MASP1: variants seen among roughly 807,000 people sequenced by gnomAD.
MASP1 encodes MBL associated serine protease 1.
MASP1 carries 59 observed loss-of-function variants against 77.1 expected under a neutral mutation model. The ratio of observed to expected loss-of-function variants is 0.77; its 90% CI spans 0.62 to 0.95. The LOEUF (loss-of-function observed/expected upper bound fraction) is 0.95. Among genes scored for constraint, MASP1 ranks in the 40% least tolerant of loss-of-function variants. MASP1 has a pLI of 0.00. For missense variants in MASP1, 885 were observed against 912.9 expected, an observed-to-expected ratio of 0.97 and a Z score of 0.39; for synonymous variants, 362 against 354.5, an observed-to-expected ratio of 1.02 and a Z score of -0.24.
intron 8 of MASP1, 108 bp from the exon 9 acceptor site, chr3:187,243,729 C>T: frequency 7.3e-7 from 1 of 1,376,484 alleles, no homozygotes; most frequent in Non-Finnish European, 1.0e-6. Context: ...GCACACAATT[C>T]CAGAAAGCAA....
intron 1 of MASP1, 125 bp from the exon 2 acceptor site, chr3:187,286,181 C>A: frequency 4.0e-6 from 3 of 756,378 alleles, no homozygotes; most frequent in Non-Finnish European, 6.9e-6. Context: ...AATTAGCTTT[C>A]CCCTTCTGAC....
chr3:187,269,884 G>A (rs1205872273), intron 2 of MASP1, among the ~76,000 whole-genome samples: 2 of 152,174 alleles, frequency 1.3e-5, no homozygotes, highest in Middle Eastern at 3.2e-3. Context: ...ACCTTTGTGT[G>A]TCATCTAATT....
intron 10 of MASP1, among the ~76,000 whole-genome samples, chr3:187,238,378 C>T (rs1452186163): frequency 1.3e-5 from 2 of 152,202 alleles, no homozygotes; most frequent in Non-Finnish European, 2.9e-5. Context: ...TTCATATCTC[C>T]ACTGAAATCT....
chr3:187,263,769 C>T lies in MASP1; in HGVS notation c.238-1049G>A, dbSNP rs72550738. Among the ~76,000 whole-genome samples, 828 of 152,160 alleles carry T rather than the reference C, an allele frequency of 5.4e-3. 9 individuals are homozygous for T. Among genetic ancestry groups the T allele is most frequent in the African/African-American group, 0.019 (775 of 41,494 alleles). ...CTTTGGAAGAGCCAGAGGCCCTGTG[C>T]GAATTCAGAGATCCAAGCAGAGATC... On this transcript the variant is annotated intron_variant, in intron 2 of 10. Transcript: ENST00000296280.
intron 2 of MASP1, among the ~76,000 whole-genome samples, chr3:187,285,034 G>A (rs1318779438): frequency 6.6e-6 from 1 of 152,168 alleles, no homozygotes; most frequent in Non-Finnish European, 1.5e-5. Context: ...AGCTTAGAAG[G>A]TAGGTTCTTA....
intron 2 of MASP1, among the ~76,000 whole-genome samples, chr3:187,266,654 C>G (rs137981047): frequency 2.6e-5 from 4 of 152,204 alleles, no homozygotes; most frequent in Admixed American, 1.3e-4. Flanking sequence ...TCAGCTGCTC[C>G]TCCCCACTAC....
intron 2 of MASP1, among the ~76,000 whole-genome samples, chr3:187,284,995 A>T (rs1265503507): frequency 6.6e-6 from 1 of 152,206 alleles, no homozygotes; most frequent in African/African-American, 2.4e-5. Flanking sequence ...GAGTTGTTTG[A>T]TGAGAACCTC....
chr3:187,249,643 T>C (rs1714394763), intron 8 of MASP1, among the ~76,000 whole-genome samples: 1 of 152,190 alleles, frequency 6.6e-6, no homozygotes, highest in Non-Finnish European at 1.5e-5. Context: ...TATTCTAAAA[T>C]ATAAAGCTAG....
At chr3:187,274,916 G>A (rs954813688) in intron 2 of MASP1, among the ~76,000 whole-genome samples, 3 of 150,812 alleles carry the variant, frequency 2.0e-5, no homozygotes, top group African/African-American at 4.9e-5. Context: ...CGGGCATCCC[G>A]CAGGTGGGAA....
intron 2 of MASP1, among the ~76,000 whole-genome samples, chr3:187,265,863 T>C (rs960981451): frequency 2.0e-5 from 3 of 152,216 alleles, no homozygotes; most frequent in African/African-American, 4.8e-5. Flanking sequence ...CTTGGGTGCA[T>C]GGACTGTCTC....
intron 15 of MASP1, chr3:187,221,032 C>T: frequency 6.2e-7 from 1 of 1,613,626 alleles, no homozygotes; most frequent in East Asian, 2.2e-5. Context: ...CCTCTTAACC[C>T]ACCTTCCTTC....
rs1387580356 is a variant in MASP1, at chr3:187,256,560, C to A, written c.744+104G>T. 2.9e-6 allele frequency: 3 copies of A among 1,035,908 alleles called. No homozygotes were observed. The African/African-American group carries it at 4.7e-5, about 16-fold the overall frequency. The allele number at this position is 1,035,908 out of a possible 1,614,324, so 64.2% of individuals were successfully genotyped here. On this transcript the variant is annotated intron_variant, in intron 5 of 10. Transcript: ENST00000296280. ...CCTTTTTGAGGAACTAGCTGCTAGG[C>A]TCTCTATCCTGGGAGAAGAAGGTGA...
At chr3:187,225,940 C>T (rs1579462176) in intron 12 of MASP1, among the ~76,000 whole-genome samples, 2 of 152,202 alleles carry the variant, frequency 1.3e-5, no homozygotes, top group African/African-American at 4.8e-5. Flanking sequence ...GTGCTCACAT[C>T]TTATTCCTTT....
intron 2 of MASP1, among the ~76,000 whole-genome samples, chr3:187,283,410 A>G (rs752655793): frequency 6.6e-6 from 1 of 152,252 alleles, no homozygotes; most frequent in Non-Finnish European, 1.5e-5. Context: ...GAGCAAAGAA[A>G]TGAGCTAAAT....
rs773747005 is a variant in MASP1 at position 187,234,281 on chromosome 3, G to A, written c.*1403C>T. On this transcript the variant is annotated 3_prime_UTR_variant, in exon 11 of 11. Transcript: ENST00000296280. ...ACACTTCCCAATCATTCCCTCTCAG[G>A]GGCTTCTCTGGCTGCCTTGCTCTGA... 2 of 1,287,232 alleles carry A rather than the reference G, an allele frequency of 1.6e-6. No individual in the cohort carries two copies. Among genetic ancestry groups the A allele is most frequent in the East Asian group, 5.6e-5 (1 of 18,014 alleles). 79.7% of individuals were successfully genotyped at this position (1,287,232 alleles called of 1,614,324 possible).
intron 9 of MASP1, chr3:187,243,259 G>A: frequency 5.3e-6 from 3 of 570,534 alleles, no homozygotes; most frequent in East Asian, 3.1e-5. Flanking sequence ...AAACAAAAAA[G>A]CCTGCTTTTT....
chr3:187,243,068 C>G, intron 9 of MASP1: 1 of 310,668 alleles, frequency 3.2e-6, no homozygotes, highest in Non-Finnish European at 6.2e-6. Flanking sequence ...CTGGGTGAAG[C>G]AGTAATACTG....
At position 187,246,377 on chromosome 3, in the gene MASP1, A is replaced by G. The variant is rs889736772; in HGVS notation, c.1091-2756T>C. The G allele has an allele frequency of 3.0e-6, 3 of 985,258 alleles. No homozygotes were observed. The African/African-American group carries it at 5.2e-5, about 17-fold the overall frequency. 61.0% of individuals were successfully genotyped at this position (985,258 alleles called of 1,614,324 possible). ...ATACGTTGTAGGTTTAAAGACATTT[A>G]TTCAACTGACACTTGTCTTTAGTAG... On this transcript the variant is annotated intron_variant, in intron 8 of 10. Coordinates refer to ENST00000296280, the MANE Select transcript of MASP1 (RefSeq NM_139125.4).
Position 187,235,451 on chromosome 3 carries a change from C to T in MASP1, c.*233G>A, listed in dbSNP as rs1358994407. 1 of 1,511,880 alleles carries T rather than the reference C, an allele frequency of 6.6e-7. No individual in the cohort carries two copies. The highest frequency in any genetic ancestry group is 8.8e-7 in the Non-Finnish European group (1 of 1,133,004). The allele number at this position is 1,511,880 out of a possible 1,614,324, so 93.7% of individuals were successfully genotyped here. A position where few individuals can be genotyped will look rare whatever the true frequency, so the allele number is the denominator to read the frequency against. Reference sequence around the variant, plus strand: ...CATTGTATTACTCGGTAGAGTGAGGCCCAGACAGGGAAAGAGACTTGGACA... The same window carrying T: ...CATTGTATTACTCGGTAGAGTGAGGTCCAGACAGGGAAAGAGACTTGGACA... On this transcript the variant is annotated 3_prime_UTR_variant, in exon 11 of 11. Coordinates refer to ENST00000296280, the MANE Select transcript of MASP1 (RefSeq NM_139125.4).
Sources: allele counts gnomAD v4.1 joint callset (sites outside exome capture counted in the v4.1 genomes callset), GRCh38; gene constraint gnomAD v4.1.1; transcripts MANE v1.5; gene names NCBI Gene and HGNC (gene_info 2026-07-23, HGNC 2026-07-21).